The following CDK6 variants were observed in gnomAD, a reference collection of about 807,000 sequenced individuals.
The protein encoded by CDK6 is cyclin dependent kinase 6, also known as cyclin-dependent kinase 6.
A neutral mutation model predicts 37.1 loss-of-function variants in CDK6; 6 were observed. That is an observed-to-expected ratio of 0.16 (90% CI 0.09 to 0.32). The LOEUF (loss-of-function observed/expected upper bound fraction) is 0.32. CDK6 is among the 10% of genes least tolerant of loss of function. The pLI, the probability that CDK6 is intolerant of heterozygous loss-of-function variation, is 1.00. For missense variants in CDK6, 224 were observed against 418.9 expected (o/e 0.53, Z 4.06); for synonymous variants, 160 against 161.3 (o/e 0.99, Z 0.06).
At position 92,608,865 on chromosome 7, in the gene CDK6, C is replaced by T. The variant is rs1452511295; in HGVS notation, c.*6275G>A. 1.3e-5 allele frequency: 3 copies of T among 232,296 alleles called. No homozygotes were observed. Among genetic ancestry groups the T allele is most frequent in the Non-Finnish European group, 2.6e-5 (3 of 117,478 alleles). 14.4% of individuals were successfully genotyped at this position (232,296 alleles called of 1,614,324 possible). ...CCCGGCCTCGCCCACTGCCTCTCTC[C>T]TGCCAAAGGGGCGGGGCAACGAGGC... On this transcript the variant is annotated 3_prime_UTR_variant, in exon 8 of 8. Transcript: ENST00000424848.
At chr7:92,683,355 A>G (rs558015374) in intron 4 of CDK6, among the ~76,000 whole-genome samples, 10 of 152,316 alleles carry the variant, frequency 6.6e-5, no homozygotes, top group African/African-American at 2.4e-4. Flanking sequence ...GCTCCTTTTG[A>G]CACAGGTTGC....
At chr7:92,681,476 T>C (rs1053093968) in intron 4 of CDK6, among the ~76,000 whole-genome samples, 2 of 152,188 alleles carry the variant, frequency 1.3e-5, no homozygotes, top group Non-Finnish European at 2.9e-5. Context: ...CCCCATTTTA[T>C]CTATGTCTAA....
intron 3 of CDK6, among the ~76,000 whole-genome samples, chr7:92,746,788 G>A (rs1226107564): frequency 6.6e-6 from 1 of 151,928 alleles, no homozygotes; most frequent in Non-Finnish European, 1.5e-5. Flanking sequence ...TCAATATGAT[G>A]GGGGAAATAT....
At chr7:92,627,498 C>T (rs999297139) in intron 5 of CDK6, among the ~76,000 whole-genome samples, 41 of 152,016 alleles carry the variant, frequency 2.7e-4, no homozygotes, top group African/African-American at 7.0e-4. Flanking sequence ...AGCAAGATGA[C>T]GATCATCAAT....
chr7:92,709,833 G>A (rs1025846720), intron 4 of CDK6, among the ~76,000 whole-genome samples: 1 of 152,140 alleles, frequency 6.6e-6, no homozygotes, highest in African/African-American at 2.4e-5. Context: ...AGTGTTTGCT[G>A]ATTGCTATTA....
chr7:92,746,818 C>T (rs1799071588), intron 3 of CDK6, among the ~76,000 whole-genome samples: 1 of 152,044 alleles, frequency 6.6e-6, no homozygotes, highest in Non-Finnish European at 1.5e-5. Context: ...TTTTACTTTT[C>T]ATTTCTCTTA....
At chr7:92,699,364 A>T (rs1484796442) in intron 4 of CDK6, among the ~76,000 whole-genome samples, 2 of 152,262 alleles carry the variant, frequency 1.3e-5, no homozygotes, top group African/African-American at 4.8e-5. Context: ...CTTTAAAAAG[A>T]TAAGTTGATT....
rs570909427 is a variant in CDK6, at chr7:92,709,030, TC to T, written c.537+16595del. On this transcript the variant is annotated intron_variant, in intron 4 of 7. Coordinates refer to ENST00000424848, the MANE Select transcript of CDK6 (RefSeq NM_001145306.2). ...TCTTATTTATCTCATAAAGTAAATT[TC>T]ATATCAGATTTTGACATGAACATGT... Among the ~76,000 whole-genome samples the T allele has an allele frequency of 3.1e-3, 467 of 152,318 alleles. 6 individuals carry two copies. The highest frequency in any genetic ancestry group is 0.02 in the Admixed American group (299 of 15,298).
intron 4 of CDK6, among the ~76,000 whole-genome samples, chr7:92,698,380 C>T (rs937883510): frequency 3.9e-5 from 6 of 152,322 alleles, no homozygotes; most frequent in Middle Eastern, 3.4e-3. Context: ...CTTTTTCCCT[C>T]GCGCTACCAC....
intron 3 of CDK6, among the ~76,000 whole-genome samples, chr7:92,753,076 AC>A (rs1799223259): frequency 6.6e-6 from 1 of 152,144 alleles, no homozygotes; most frequent in African/African-American, 2.4e-5. Flanking sequence ...CTACTTCTGA[AC>A]ATCAAATTGT....
chr7:92,628,191 T>C (rs1795972472), intron 5 of CDK6, among the ~76,000 whole-genome samples: 1 of 152,144 alleles, frequency 6.6e-6, no homozygotes, highest in East Asian at 1.9e-4. Context: ...TATTATCTTA[T>C]ACTTCACTTT....
intron 2 of CDK6, among the ~76,000 whole-genome samples, chr7:92,825,901 A>C (rs1801298687): frequency 6.6e-6 from 1 of 152,184 alleles, no homozygotes; most frequent in African/African-American, 2.4e-5. Context: ...AGTTAACTAT[A>C]AGAATGAATT....
At chr7:92,732,028 GT>G (rs1798661963) in intron 3 of CDK6, among the ~76,000 whole-genome samples, 1 of 152,250 alleles carries the variant, frequency 6.6e-6, no homozygotes, top group Non-Finnish European at 1.5e-5. Flanking sequence ...AATGACCCAA[GT>G]GGCTATCATT....
intron 3 of CDK6, among the ~76,000 whole-genome samples, chr7:92,758,657 C>A (rs1163009728): frequency 2.0e-5 from 3 of 152,064 alleles, no homozygotes; most frequent in Non-Finnish European, 2.9e-5. Flanking sequence ...TAGTTTTTCT[C>A]CTAGTTCTGT....
At chr7:92,785,005 T>A (rs1297724198) in intron 2 of CDK6, among the ~76,000 whole-genome samples, 1 of 152,152 alleles carries the variant, frequency 6.6e-6, no homozygotes, top group Non-Finnish European at 1.5e-5. Flanking sequence ...TCTTAACAAC[T>A]GTATGAGATG....
intron 3 of CDK6, among the ~76,000 whole-genome samples, chr7:92,758,195 G>A (rs1282845907): frequency 2.0e-5 from 3 of 152,122 alleles, no homozygotes; most frequent in Non-Finnish European, 4.4e-5. Context: ...TCTTTGACAT[G>A]AAATCTTTGC....
At chr7:92,828,299 A>G (rs1026411335) in intron 2 of CDK6, among the ~76,000 whole-genome samples, 33 of 152,202 alleles carry the variant, frequency 2.2e-4, no homozygotes, top group African/African-American at 7.7e-4. Context: ...TATGTCATTC[A>G]TTCCTGGCAA....
intron 2 of CDK6, among the ~76,000 whole-genome samples, chr7:92,800,245 C>T (rs1330829443): frequency 6.6e-6 from 1 of 152,196 alleles, no homozygotes; most frequent in East Asian, 1.9e-4. Context: ...TTACCCTCTG[C>T]TATGATTCTG....
At chr7:92,615,323 TAC>T (rs1795652724) in intron 7 of CDK6, 37 bp from the exon 8 acceptor site, 3 of 1,239,882 alleles carry the variant, frequency 2.4e-6, no homozygotes, top group African/African-American at 1.4e-5. Context: ...TGATATACAA[TAC>T]ATCAATGTAA....
Sources: allele counts gnomAD v4.1 joint callset (sites outside exome capture counted in the v4.1 genomes callset), GRCh38; gene constraint gnomAD v4.1.1; transcripts MANE v1.5; gene names NCBI Gene and HGNC (gene_info 2026-07-23, HGNC 2026-07-21).